Variants in ZFP41 observed in about 807,000 individuals in gnomAD.
ZFP41 encodes zinc finger protein 41 homolog.
In ZFP41, 10 loss-of-function variants were observed where a neutral mutation model predicts 11.6. That is an observed-to-expected ratio of 0.86 (90% CI 0.53 to 1.47). The LOEUF (loss-of-function observed/expected upper bound fraction) is 1.47, where lower values mean the gene tolerates loss of function less well. Among genes scored for constraint, ZFP41 ranks in the 40% most tolerant of loss-of-function variants. ZFP41 has a pLI of 0.00. For missense variants in ZFP41, 302 were observed against 264.6 expected (o/e 1.14, Z -0.98); for synonymous variants, 123 against 100.9 (o/e 1.22, Z -1.31).
At chr8:143,259,022 A>G (rs1814976321) in intron 2 of ZFP41, among the ~76,000 whole-genome samples, 1 of 152,240 alleles carries the variant, frequency 6.6e-6, no homozygotes. Flanking sequence ...TCCCCTTGAG[A>G]AACGTGTGTG....
chr8:143,258,180 G>A (rs1360948151), intron 2 of ZFP41, among the ~76,000 whole-genome samples: 1 of 152,168 alleles, frequency 6.6e-6, no homozygotes, highest in South Asian at 2.1e-4. Flanking sequence ...TAAAAATTAG[G>A]TATGGTGGCG....
At chr8:143,252,663 C>T (rs1471351678) in intron 2 of ZFP41, 38 of 982,174 alleles carry the variant, frequency 3.9e-5, no homozygotes, top group Non-Finnish European at 4.4e-5. Context: ...TGGCAAGTCC[C>T]GTGGTGTCGT....
Position 143,250,548 on chromosome 8 carries a change from TG to T in ZFP41, c.*109del, listed in dbSNP as rs1296203515. The T allele has an allele frequency of 6.6e-7, 1 of 1,506,378 alleles. No homozygotes were observed. The highest frequency in any genetic ancestry group is 2.3e-5 in the East Asian group (1 of 43,574). 93.3% of individuals were successfully genotyped at this position (1,506,378 alleles called of 1,614,324 possible). The stretch of plus-strand genomic sequence containing the variant: ...GATGGGGGCGCAGGGCCGTGCGCAC[TG>T]TGTTCCGTGCCCTGGGGACCCCCGG... On this transcript the variant is annotated 3_prime_UTR_variant, in exon 2 of 3. Transcript: ENST00000330701.
intron 2 of ZFP41, among the ~76,000 whole-genome samples, chr8:143,252,283 G>T (rs957875388): frequency 6.6e-6 from 1 of 152,344 alleles, no homozygotes; most frequent in African/African-American, 2.4e-5. Flanking sequence ...CCAGATGGCT[G>T]TAGGGCTCTC....
Position 143,250,534 on chromosome 8 carries a change from A to G in ZFP41, c.*94A>G, listed in dbSNP as rs1814712191. ...CGTGTCCCGCGTCTGATGGGGGCGC[A>G]GGGCCGTGCGCACTGTGTTCCGTGC... is the stretch of plus-strand genomic sequence containing the variant. On this transcript the variant is annotated 3_prime_UTR_variant, in exon 2 of 3. Coordinates refer to ENST00000330701, the MANE Select transcript of ZFP41 (RefSeq NM_173832.6). The G allele has an allele frequency of 3.9e-6, 6 of 1,534,166 alleles. No homozygotes were observed. Among genetic ancestry groups the G allele is most frequent in the South Asian group, 1.3e-5 (1 of 79,508 alleles).
At chr8:143,255,849 T>G (rs13263742) in intron 2 of ZFP41, among the ~76,000 whole-genome samples, 318 of 34,206 alleles carry the variant, frequency 9.3e-3, no homozygotes, top group African/African-American at 0.013. Context: ...GCTGGTGTTC[T>G]TGAGATCAGG....
At chr8:143,258,196 C>T (rs917471822) in intron 2 of ZFP41, among the ~76,000 whole-genome samples, 5 of 151,728 alleles carry the variant, frequency 3.3e-5, no homozygotes, top group Admixed American at 6.6e-5. Context: ...TGGCGTGCGC[C>T]TGTGGTCCCA....
intron 2 of ZFP41, among the ~76,000 whole-genome samples, chr8:143,254,407 G>A (rs920788933): frequency 5.9e-5 from 9 of 152,152 alleles, no homozygotes; most frequent in South Asian, 2.1e-4. Context: ...TCAGGAACTC[G>A]GACACAAGAA....
chr8:143,247,107 A>C lies in ZFP41; in HGVS notation c.-190A>C, dbSNP rs1816707043. ...GGGCCCGGGCGCGTCCGCGCTCTGC[A>C]GCGGGAGGTCCTCGTCGCCTCTCGT... On this transcript the variant is annotated 5_prime_UTR_variant, in exon 1 of 3. Transcript: ENST00000330701. 1 of 152,236 alleles carries C rather than the reference A, an allele frequency of 6.6e-6. No individual in the cohort carries two copies. Among genetic ancestry groups the C allele is most frequent in the Non-Finnish European group, 1.5e-5 (1 of 68,132 alleles). The allele number at this position is 152,236 out of a possible 1,614,324, so 9.4% of individuals were successfully genotyped here. A position where few individuals can be genotyped will look rare whatever the true frequency, so the allele number is the denominator to read the frequency against.
chr8:143,256,345 G>A (rs1386240479), intron 2 of ZFP41, among the ~76,000 whole-genome samples: 1 of 122,892 alleles, frequency 8.1e-6, no homozygotes, highest in Non-Finnish European at 1.7e-5. Context: ...GGCTCACCCC[G>A]CGTGCTGGAG....
chr8:143,252,174 T>C (rs888640332), intron 2 of ZFP41, among the ~76,000 whole-genome samples: 27 of 152,234 alleles, frequency 1.8e-4, no homozygotes, highest in African/African-American at 6.5e-4. Context: ...TCACCCACAC[T>C]AGCTTTGCCT....
chr8:143,248,901 T>G (rs1248434088), intron 1 of ZFP41, among the ~76,000 whole-genome samples: 1 of 152,224 alleles, frequency 6.6e-6, no homozygotes, highest in Non-Finnish European at 1.5e-5. Flanking sequence ...CTTGTTGAGA[T>G]AGGAAATCTG....
chr8:143,258,889 C>T lies in ZFP41; in HGVS notation c.*901-886C>T, dbSNP rs139658413. Among the ~76,000 whole-genome samples, 134 of 152,178 alleles carry T rather than the reference C, an allele frequency of 8.8e-4. 2 individuals are homozygous for T. Among genetic ancestry groups the T allele is most frequent in the Non-Finnish European group, 8.1e-4 (55 of 68,038 alleles). ...GTCGGATTCGGATCCTTGCATGGGA[C>T]GGGCGGGGGTCCTCATCTCCTGCTG... On this transcript the variant is annotated intron_variant, in intron 2 of 2. Transcript: ENST00000330701.
rs539010648 is a variant in ZFP41 at position 143,262,280 on chromosome 8, G to T, written c.*3406G>T. On this transcript the variant is annotated 3_prime_UTR_variant, in exon 3 of 3. Transcript: ENST00000330701. The stretch of plus-strand genomic sequence containing the variant: ...CCCCGTGTGCCTGTTTCCTGGTGAG[G>T]CTGGATGCCTGGCATGTCTGAACAC... 16 of 156,964 alleles carry T rather than the reference G, an allele frequency of 1.0e-4. 2 individuals carry two copies. The South Asian group carries it at 2.9e-3, about 29-fold the overall frequency. 9.7% of individuals were successfully genotyped at this position (156,964 alleles called of 1,614,324 possible).
chr8:143,262,646 C>A lies in ZFP41; in HGVS notation c.*3772C>A. 6.6e-6 allele frequency: 1 copy of A among 152,452 alleles called. No homozygotes were observed. Among genetic ancestry groups the A allele is most frequent in the Non-Finnish European group, 1.5e-5 (1 of 68,086 alleles). The allele number at this position is 152,452 out of a possible 1,614,324, so 9.4% of individuals were successfully genotyped here. A position where few individuals can be genotyped will look rare whatever the true frequency, so the allele number is the denominator to read the frequency against. ...CCCGACACACTCACTGCGACGCCTC[C>A]CTTGCCTACTGCTTGCTGGCTTCTG... On this transcript the variant is annotated 3_prime_UTR_variant, in exon 3 of 3. Transcript: ENST00000330701.
Position 143,260,162 on chromosome 8 carries a change from GTCGTGCAGGGAAGCACCTTCTGAAA to G in ZFP41, c.*1306_*1330del, listed in dbSNP as rs1815007498. The G allele has an allele frequency of 3.0e-5, 1 of 33,776 alleles. No individual in the cohort carries two copies. Among genetic ancestry groups the G allele is most frequent in the African/African-American group, 1.2e-4 (1 of 8,028 alleles). 2.1% of individuals were successfully genotyped at this position (33,776 alleles called of 1,614,324 possible). On this transcript the variant is annotated 3_prime_UTR_variant, in exon 3 of 3. Transcript: ENST00000330701. ...ATCGTGCAGGGAAGCACCCTGTGAA[GTCGTGCAGGGAAGCACCTTCTGAAA>G]TCGTGCAGGGAAGCACCCTCTGAAA...
Position 143,255,592 on chromosome 8 carries a change from C to T in ZFP41, c.*901-4183C>T, listed in dbSNP as rs558192506. On this transcript the variant is annotated intron_variant, in intron 2 of 2. Coordinates refer to ENST00000330701, the MANE Select transcript of ZFP41 (RefSeq NM_173832.6). ...TGCTGGTGTTCTTGAGATCAGGGCT[C>T]GCCCCGCGTCTAGTGTTAGTGAGAT... Among the ~76,000 whole-genome samples, 6 of 144,102 alleles carry T rather than the reference C, an allele frequency of 4.2e-5. 1 individual carries two copies. The highest frequency in any genetic ancestry group is 4.3e-4 in the East Asian group (2 of 4,672). 94.5% of individuals were successfully genotyped at this position (144,102 alleles called of 152,430 possible). A position where few individuals can be genotyped will look rare whatever the true frequency, so the allele number is the denominator to read the frequency against.
At chr8:143,255,564 G>A (rs550115804) in intron 2 of ZFP41, among the ~76,000 whole-genome samples, 124 of 143,528 alleles carry the variant, frequency 8.6e-4, no homozygotes, top group African/African-American at 3.0e-3. Flanking sequence ...GGCTCGCCCC[G>A]CGTGCTGGTG....
At chr8:143,258,548 C>T (rs1267196684) in intron 2 of ZFP41, among the ~76,000 whole-genome samples, 1 of 152,186 alleles carries the variant, frequency 6.6e-6, no homozygotes, top group African/African-American at 2.4e-5. Context: ...GTTATCCCAG[C>T]CACCGTTACT....
Sources: gnomAD v4.1 joint callset for allele counts (sites outside exome capture counted in the v4.1 genomes callset) on GRCh38, gnomAD v4.1.1 for gene constraint, MANE v1.5 for transcripts, NCBI Gene and HGNC (gene_info 2026-07-23, HGNC 2026-07-21) for gene names.